Variants in SBF2 observed in about 807,000 individuals in gnomAD.
SBF2 encodes the protein myotubularin-related protein 13.
SBF2 carries 112 observed loss-of-function variants against 225.2 expected under a neutral mutation model. The observed-to-expected ratio is 0.50, with a 90% CI of 0.43 to 0.58. The LOEUF (loss-of-function observed/expected upper bound fraction) is 0.58. SBF2 is among the 20% of genes least tolerant of loss of function. The probability of loss-of-function intolerance (pLI) is 0.00; values close to 1 mark genes in which losing one functional copy is unlikely to be tolerated. For missense variants in SBF2, 1,996 were observed against 2,206.2 expected (o/e 0.90, Z 1.91); for synonymous variants, 763 against 773.3 (o/e 0.99, Z 0.22).
chr11:9,937,092 A>T (rs753697938), intron 16 of SBF2, among the ~76,000 whole-genome samples: 2 of 152,228 alleles, frequency 1.3e-5, no homozygotes, highest in Non-Finnish European at 2.9e-5. Context: ...TAAATCCCAG[A>T]AGAGCAAAAT....
intron 2 of SBF2, among the ~76,000 whole-genome samples, chr11:10,076,332 A>G (rs1033148059): frequency 6.6e-6 from 1 of 152,192 alleles, no homozygotes; most frequent in Non-Finnish European, 1.5e-5. Flanking sequence ...GATCCAACTA[A>G]GGGGGCTGCA....
At chr11:9,979,532 T>G (rs1946849593) in intron 13 of SBF2, among the ~76,000 whole-genome samples, 2 of 152,222 alleles carry the variant, frequency 1.3e-5, no homozygotes, top group South Asian at 4.1e-4. Context: ...TTTTTTAAGT[T>G]TTAGTATACT....
intron 2 of SBF2, among the ~76,000 whole-genome samples, chr11:10,093,178 A>C (rs12421931): frequency 0.21 from 31,463 of 151,726 alleles, 3,998 homozygotes; most frequent in Non-Finnish European, 0.3. Flanking sequence ...CACCATGCCT[A>C]GCTAATTTTT....
At chr11:9,832,723 G>A (rs962193410) in intron 26 of SBF2, among the ~76,000 whole-genome samples, 6 of 152,086 alleles carry the variant, frequency 3.9e-5, no homozygotes, top group African/African-American at 1.2e-4. Flanking sequence ...TTATGGGCGT[G>A]AGCCATTGTG....
rs1854493741 is a variant in SBF2 at position 9,817,039 on chromosome 11, A to G, written c.3794-15T>C. On this transcript the variant is annotated splice_polypyrimidine_tract_variant and intron_variant, in intron 28 of 39. Coordinates refer to ENST00000256190, the MANE Select transcript of SBF2 (RefSeq NM_030962.4). ...TGCCCACACACCTTCACAAAAGCCA[A>G]AGTCGTGGAGTGAGATAATCTAATG... 1 of 1,613,760 alleles carries G rather than the reference A, an allele frequency of 6.2e-7. No individual in the cohort carries two copies. Among genetic ancestry groups the G allele is most frequent in the African/African-American group, 1.3e-5 (1 of 75,020 alleles).
intron 1 of SBF2, among the ~76,000 whole-genome samples, chr11:10,265,111 T>C (rs1961842149): frequency 6.6e-6 from 1 of 152,184 alleles, no homozygotes; most frequent in Admixed American, 6.5e-5. Flanking sequence ...ACAGGATTGC[T>C]AGGTCAAATG....
chr11:10,200,037 AG>A (rs1282901496), intron 1 of SBF2, among the ~76,000 whole-genome samples: 1 of 152,224 alleles, frequency 6.6e-6, no homozygotes, highest in Non-Finnish European at 1.5e-5. Flanking sequence ...TGGGAGGCTA[AG>A]GCAGGAAGAC....
chr11:10,267,606 T>A (rs896018009), intron 1 of SBF2, among the ~76,000 whole-genome samples: 13 of 151,740 alleles, frequency 8.6e-5, no homozygotes, highest in African/African-American at 2.9e-4. Flanking sequence ...TTCTTTTTTT[T>A]TGAGACAGGG....
In SBF2 at chr11:9,847,030, T is replaced by C. The variant is rs1485425342; in HGVS notation, c.2860A>G (p.Lys954Glu). Residue 954 changes from lysine (K) to glutamate (E), a missense_variant, in exon 23 of 40, where the codon AAG becomes GAG. By Grantham distance (56) the Lys-to-Glu change is moderately conservative. Transcript: ENST00000256190. ...AGCTGGTTCTGCATTGTAATCTTCT[T>C]CTCCTTGGTGATGGAGGCAATGGGA... The part of the protein sequence containing the change: ...SFPIASITKE[K>E]KITMQNQLQQ... 2 of 1,613,832 alleles carry C rather than the reference T, an allele frequency of 1.2e-6. No homozygotes were observed. Among genetic ancestry groups the C allele is most frequent in the South Asian group, 1.1e-5 (1 of 91,074 alleles).
At chr11:10,161,744 T>C (rs993648335) in intron 2 of SBF2, among the ~76,000 whole-genome samples, 2 of 151,394 alleles carry the variant, frequency 1.3e-5, no homozygotes, top group African/African-American at 2.4e-5. Context: ...CCAACAAGGA[T>C]TGCTTGAGGC....
chr11:10,011,928 T>C (rs1565130874), intron 6 of SBF2, among the ~76,000 whole-genome samples: 1 of 152,200 alleles, frequency 6.6e-6, no homozygotes, highest in South Asian at 2.1e-4. Context: ...TTTCTTCAAA[T>C]ACGTTTTTCT....
intron 16 of SBF2, chr11:9,961,756 G>C: frequency 2.0e-6 from 1 of 505,884 alleles, no homozygotes; most frequent in Non-Finnish European, 3.5e-6. Flanking sequence ...TTTTCAAAGA[G>C]AAAACAAAGA....
rs191195308 is a variant in SBF2 at position 10,029,161 on chromosome 11, A to G, written c.513+604T>C. Among the ~76,000 whole-genome samples the G allele has an allele frequency of 2.6e-5, 4 of 152,318 alleles. No individual in the cohort carries two copies. In the East Asian group the frequency reaches 7.7e-4, roughly 29 times the overall value. On this transcript the variant is annotated intron_variant, in intron 5 of 39. Coordinates refer to ENST00000256190, the MANE Select transcript of SBF2 (RefSeq NM_030962.4). ...AAGCAAAATAAATTATCACCTATTC[A>G]TTTTTAAGGTTTAAGGAAAAAATCT...
intron 2 of SBF2, among the ~76,000 whole-genome samples, chr11:10,131,029 C>T (rs1954021905): frequency 6.6e-6 from 1 of 152,048 alleles, no homozygotes; most frequent in Non-Finnish European, 1.5e-5. Flanking sequence ...TTTAATTTAT[C>T]TAGGAGAAAC....
At chr11:10,277,745 T>C (rs1338993826) in intron 1 of SBF2, among the ~76,000 whole-genome samples, 1 of 152,114 alleles carries the variant, frequency 6.6e-6, no homozygotes, top group Non-Finnish European at 1.5e-5. Context: ...AATGCGGCCA[T>C]GTGATGACAG....
chr11:9,865,597 A>G (rs1446378593), intron 17 of SBF2, among the ~76,000 whole-genome samples: 3 of 149,020 alleles, frequency 2.0e-5, no homozygotes, highest in Non-Finnish European at 4.5e-5. Flanking sequence ...AGGCTGAGGC[A>G]GAAGAATTGC....
At chr11:10,144,294 C>T (rs1474188280) in intron 2 of SBF2, among the ~76,000 whole-genome samples, 1 of 152,026 alleles carries the variant, frequency 6.6e-6, no homozygotes, top group East Asian at 1.9e-4. Flanking sequence ...TTGAGACCAG[C>T]CTGGGCAACA....
chr11:10,196,208 T>C (rs1565344254), intron 1 of SBF2, among the ~76,000 whole-genome samples: 1 of 152,174 alleles, frequency 6.6e-6, no homozygotes, highest in South Asian at 2.1e-4. Flanking sequence ...CTGAGTAAAA[T>C]GTTTACTTTA....
chr11:9,849,583 G>A (rs559894557), intron 22 of SBF2, among the ~76,000 whole-genome samples: 77 of 152,290 alleles, frequency 5.1e-4, no homozygotes, highest in African/African-American at 1.8e-3. Flanking sequence ...GAATAAGAGG[G>A]AAGTGGGATT....
Sources: gnomAD v4.1 joint callset for allele counts (sites outside exome capture counted in the v4.1 genomes callset) on GRCh38, gnomAD v4.1.1 for gene constraint, MANE v1.5 for transcripts, NCBI Gene and HGNC (gene_info 2026-07-23, HGNC 2026-07-21) for gene names.